ROBO1: variants seen among roughly 807,000 people sequenced by gnomAD.
ROBO1 encodes the protein roundabout homolog 1.
A neutral mutation model predicts 195.9 loss-of-function variants in ROBO1; 149 were observed. The observed-to-expected ratio is 0.76, with a 90% CI of 0.67 to 0.87. The LOEUF is 0.87. Among genes scored for constraint, ROBO1 ranks in the 40% least tolerant of loss-of-function variants. The probability of loss-of-function intolerance (pLI) is 0.00; values close to 1 mark genes in which losing one functional copy is unlikely to be tolerated. For missense variants in ROBO1, 1,933 were observed against 2,068.3 expected, an observed-to-expected ratio of 0.93 and a Z score of 1.27; for synonymous variants, 816 against 733.2, an observed-to-expected ratio of 1.11 and a Z score of -1.82.
chr3:79,055,495 G>C (rs564549155), intron 3 of ROBO1, among the ~76,000 whole-genome samples: 12 of 152,208 alleles, frequency 7.9e-5, no homozygotes, highest in Non-Finnish European at 1.3e-4. Context: ...TGGAAAAGCT[G>C]ATGAAGTTTA....
chr3:78,901,010 G>C (rs958045149), intron 4 of ROBO1, among the ~76,000 whole-genome samples: 3 of 151,934 alleles, frequency 2.0e-5, no homozygotes, highest in South Asian at 2.1e-4. Context: ...TCAGTACAGA[G>C]AGAGAAATTG....
intron 2 of ROBO1, among the ~76,000 whole-genome samples, chr3:79,343,143 A>AT (rs1475432114): frequency 1.3e-5 from 2 of 152,166 alleles, no homozygotes; most frequent in Non-Finnish European, 2.9e-5. Flanking sequence ...AGTAACATGA[A>AT]TTTAAGTTTC....
At chr3:79,604,570 A>G (rs1486146275) in intron 1 of ROBO1, among the ~76,000 whole-genome samples, 1 of 152,030 alleles carries the variant, frequency 6.6e-6, no homozygotes, top group Non-Finnish European at 1.5e-5. Flanking sequence ...AGAATTTGCA[A>G]AGTTACATTT....
At chr3:79,650,348 T>C (rs753398036) in intron 1 of ROBO1, among the ~76,000 whole-genome samples, 14 of 151,790 alleles carry the variant, frequency 9.2e-5, no homozygotes, top group Non-Finnish European at 1.6e-4. Flanking sequence ...TTTAAAGTCA[T>C]AATATAGAAA....
chr3:78,846,824 T>C (rs1329692967), intron 4 of ROBO1, among the ~76,000 whole-genome samples: 1 of 152,146 alleles, frequency 6.6e-6, no homozygotes, highest in Non-Finnish European at 1.5e-5. Flanking sequence ...TTTCTGTGGT[T>C]TTCCAAAAGC....
intron 2 of ROBO1, among the ~76,000 whole-genome samples, chr3:79,244,189 C>A (rs2082576926): frequency 6.6e-6 from 1 of 152,058 alleles, no homozygotes; most frequent in Admixed American, 6.6e-5. Context: ...TGGTTCATTT[C>A]CTTATTACAC....
At chr3:79,134,222 G>T (rs967497448) in intron 2 of ROBO1, among the ~76,000 whole-genome samples, 5 of 135,012 alleles carry the variant, frequency 3.7e-5, no homozygotes, top group African/African-American at 1.4e-4. Context: ...CAAAAAGTGG[G>T]CGAAGGACAT....
At chr3:78,786,637 A>T (rs2083844107) in intron 4 of ROBO1, among the ~76,000 whole-genome samples, 2 of 151,954 alleles carry the variant, frequency 1.3e-5, no homozygotes, top group African/African-American at 4.8e-5. Context: ...TTCACTAATG[A>T]TAGTGAATAA....
intron 2 of ROBO1, among the ~76,000 whole-genome samples, chr3:79,581,954 GTTAA>G (rs544076131): frequency 2.4e-4 from 37 of 151,798 alleles, no homozygotes; most frequent in Admixed American, 4.6e-4. Context: ...TTTTAACTTG[GTTAA>G]TTGTCTAGAA....
intron 4 of ROBO1, among the ~76,000 whole-genome samples, chr3:78,900,737 T>TA (rs1274302569): frequency 6.6e-6 from 1 of 152,062 alleles, no homozygotes; most frequent in Non-Finnish European, 1.5e-5. Flanking sequence ...TTTTTAATAT[T>TA]ATCTTTAAAA....
In ROBO1 at chr3:78,693,106, A is replaced by G. The variant is rs573753271; in HGVS notation, c.1046-4334T>C. 5.4e-5 allele frequency: 24 copies of G among 447,404 alleles called. No individual in the cohort carries two copies. In the East Asian group the frequency reaches 6.9e-4, roughly 13 times the overall value. 27.7% of individuals were successfully genotyped at this position (447,404 alleles called of 1,614,324 possible). ...GGAGAGAAGAAATAAAAGGATGCAGATCACACATCATTTAATTTCATAAGA... is the reference window on the plus strand; with the variant it reads ...GGAGAGAAGAAATAAAAGGATGCAGGTCACACATCATTTAATTTCATAAGA... On this transcript the variant is annotated intron_variant, in intron 8 of 30. Coordinates refer to ENST00000464233, the MANE Select transcript of ROBO1 (RefSeq NM_002941.4).
chr3:79,045,247 G>A (rs2078568473), intron 3 of ROBO1, among the ~76,000 whole-genome samples: 1 of 151,934 alleles, frequency 6.6e-6, no homozygotes, highest in Admixed American at 6.6e-5. Flanking sequence ...CTAATTTTTA[G>A]ATTCTCCTAA....
intron 5 of ROBO1, among the ~76,000 whole-genome samples, chr3:78,722,360 C>T (rs1020906045): frequency 2.0e-5 from 3 of 151,974 alleles, no homozygotes; most frequent in Non-Finnish European, 4.4e-5. Flanking sequence ...AATTTTTCTA[C>T]AAGAAATGTT....
intron 8 of ROBO1, among the ~76,000 whole-genome samples, chr3:78,705,317 A>G (rs967268415): frequency 2.0e-5 from 3 of 152,194 alleles, no homozygotes; most frequent in African/African-American, 7.2e-5. Context: ...AGTAACAACA[A>G]CTGTATTTGC....
At chr3:79,480,180 A>G (rs1015725990) in intron 2 of ROBO1, among the ~76,000 whole-genome samples, 1 of 152,186 alleles carries the variant, frequency 6.6e-6, no homozygotes, top group African/African-American at 2.4e-5. Context: ...AGAATGCCAA[A>G]TACTCTCTTA....
rs1349250768 is a variant in ROBO1, at chr3:79,612,266, G to A, written c.-50-22305C>T. On this transcript the variant is annotated intron_variant, in intron 1 of 30. Coordinates refer to ENST00000464233, the MANE Select transcript of ROBO1 (RefSeq NM_002941.4). ...CATTGTTCAGTTCCCACCTATGAGT[G>A]AGAATATGCGGTGTTTGGTTTTTTG... 2.7e-5 allele frequency among the ~76,000 whole-genome samples: 4 copies of A among 148,770 alleles called. No homozygotes were observed. The East Asian group carries it at 8.1e-4, about 30-fold the overall frequency.
At chr3:79,564,437 G>C (rs955942682) in intron 2 of ROBO1, among the ~76,000 whole-genome samples, 6 of 151,944 alleles carry the variant, frequency 3.9e-5, no homozygotes, top group Non-Finnish European at 7.4e-5. Flanking sequence ...AAATAAACTT[G>C]AGAGGTCATT....
At chr3:79,680,981 T>C (rs990290895) in intron 1 of ROBO1, among the ~76,000 whole-genome samples, 1 of 151,886 alleles carries the variant, frequency 6.6e-6, no homozygotes, top group African/African-American at 2.4e-5. Flanking sequence ...AACATAGTGA[T>C]TGAGTGCAGC....
At chr3:79,658,454 T>C (rs1008484013) in intron 1 of ROBO1, among the ~76,000 whole-genome samples, 1 of 152,132 alleles carries the variant, frequency 6.6e-6, no homozygotes, top group Non-Finnish European at 1.5e-5. Context: ...TAATTTGTAC[T>C]TCCACATTTT....
Sources: gnomAD v4.1 joint callset for allele counts (sites outside exome capture counted in the v4.1 genomes callset) on GRCh38, gnomAD v4.1.1 for gene constraint, MANE v1.5 for transcripts, NCBI Gene and HGNC (gene_info 2026-07-23, HGNC 2026-07-21) for gene names.